ANKS1B: variants seen among roughly 807,000 people sequenced by gnomAD.
The protein encoded by ANKS1B is ankyrin repeat and sterile alpha motif domain-containing protein 1B.
ANKS1B carries 36 observed loss-of-function variants against 148.3 expected under a neutral mutation model. That is an observed-to-expected ratio of 0.24 (90% CI 0.19 to 0.32). The LOEUF (loss-of-function observed/expected upper bound fraction) is 0.32, where lower values mean the gene tolerates loss of function less well. Ranked by LOEUF, ANKS1B falls within the 10% of genes least tolerant of loss-of-function variation. The probability of loss-of-function intolerance (pLI) is 1.00; values close to 1 mark genes in which losing one functional copy is unlikely to be tolerated. For synonymous variants in ANKS1B, 542 were observed against 560.8 expected (o/e 0.97, Z 0.47); for missense variants, 1,157 against 1,542.6 (o/e 0.75, Z 4.19).
chr12:99,783,962 T>C (rs763488921), intron 4 of ANKS1B, among the ~76,000 whole-genome samples: 5 of 152,264 alleles, frequency 3.3e-5, no homozygotes, highest in Non-Finnish European at 7.4e-5. Flanking sequence ...ATATTTCATG[T>C]ATCAAAATAT....
intron 8 of ANKS1B, among the ~76,000 whole-genome samples, chr12:99,731,413 C>CGTGTGTGTGTGT (rs71088145): frequency 1.7e-3 from 243 of 143,822 alleles, no homozygotes; most frequent in East Asian, 7.6e-3. Flanking sequence ...ACCACCGTGC[C>CGTGTGTGTGTGT]GTGTGTGTGT....
intron 14 of ANKS1B, among the ~76,000 whole-genome samples, chr12:99,161,219 G>A (rs1025947934): frequency 9.9e-5 from 15 of 152,066 alleles, no homozygotes; most frequent in South Asian, 2.1e-4. Flanking sequence ...CAGAGTGTGC[G>A]GAAGTTTAAG....
At chr12:99,543,735 T>C (rs1393758174) in intron 9 of ANKS1B, among the ~76,000 whole-genome samples, 1 of 151,936 alleles carries the variant, frequency 6.6e-6, no homozygotes, top group Non-Finnish European at 1.5e-5. Flanking sequence ...TTATGCTAAG[T>C]GAGAAAAAAA....
intron 4 of ANKS1B, among the ~76,000 whole-genome samples, chr12:99,791,228 C>T (rs370515995): frequency 5.9e-5 from 9 of 151,870 alleles, no homozygotes; most frequent in African/African-American, 1.7e-4. Flanking sequence ...GAGGATATTA[C>T]AATTGTAAAT....
At chr12:99,763,615 C>G (rs950499697) in intron 8 of ANKS1B, among the ~76,000 whole-genome samples, 2 of 151,764 alleles carry the variant, frequency 1.3e-5, no homozygotes, top group African/African-American at 2.4e-5. Context: ...ACACAGTTTA[C>G]CCATGTAACA....
At position 99,363,676 on chromosome 12, in the gene ANKS1B, C is replaced by T. The variant is rs574735013; in HGVS notation, c.1756+35955G>A. Reference sequence around the variant, plus strand: ...AAGGGGACCTCTAAAATTATATAAGCTTCCGACCTCCAAAAACCTGACTAT... The same window carrying T: ...AAGGGGACCTCTAAAATTATATAAGTTTCCGACCTCCAAAAACCTGACTAT... On this transcript the variant is annotated intron_variant, in intron 12 of 26. Coordinates refer to ENST00000683438, the MANE Select transcript of ANKS1B (RefSeq NM_001352186.2). Among the ~76,000 whole-genome samples, 4 of 152,234 alleles carry T rather than the reference C, an allele frequency of 2.6e-5. No individual in the cohort carries two copies. The South Asian group carries it at 8.3e-4, about 32-fold the overall frequency.
chr12:99,033,722 T>A (rs964380265), intron 17 of ANKS1B, among the ~76,000 whole-genome samples: 10 of 152,052 alleles, frequency 6.6e-5, no homozygotes. Context: ...CTCAGGTGCG[T>A]GTGTGAACAC....
intron 9 of ANKS1B, among the ~76,000 whole-genome samples, chr12:99,523,328 T>A (rs760804587): frequency 6.6e-6 from 1 of 152,188 alleles, no homozygotes; most frequent in Non-Finnish European, 1.5e-5. Context: ...GAGGAACGTG[T>A]ATGACAAACA....
chr12:99,762,887 GA>G (rs1239957105), intron 8 of ANKS1B, among the ~76,000 whole-genome samples: 1 of 151,684 alleles, frequency 6.6e-6, no homozygotes, highest in African/African-American at 2.4e-5. Flanking sequence ...ATAAGTATGT[GA>G]AAAAAATCCT....
rs58588885 is a variant in ANKS1B, at chr12:99,560,840, C to CTTTT, written c.1273-56203_1273-56200dup. 6.3e-4 allele frequency among the ~76,000 whole-genome samples: 45 copies of CTTTT among 71,910 alleles called. 1 individual carries two copies. The highest frequency in any genetic ancestry group is 2.7e-3 in the East Asian group (6 of 2,254). The allele number at this position is 71,910 out of a possible 152,430, so 47.2% of individuals were successfully genotyped here. A position where few individuals can be genotyped will look rare whatever the true frequency, so the allele number is the denominator to read the frequency against. ...TGCAATGGCAATTTCTTTCTTTTTT[C>CTTTT]TTTTTTTTTTTTTTTTTTTTTTTTG... On this transcript the variant is annotated intron_variant, in intron 9 of 26. Coordinates refer to ENST00000683438, the MANE Select transcript of ANKS1B (RefSeq NM_001352186.2).
intron 16 of ANKS1B, among the ~76,000 whole-genome samples, chr12:99,076,963 A>G (rs1320490652): frequency 6.6e-6 from 1 of 152,194 alleles, no homozygotes; most frequent in Admixed American, 6.6e-5. Context: ...TAAAATATTT[A>G]TGATATGGCT....
chr12:99,630,303 G>C (rs1257994150), intron 9 of ANKS1B, among the ~76,000 whole-genome samples: 1 of 152,156 alleles, frequency 6.6e-6, no homozygotes, highest in Non-Finnish European at 1.5e-5. Flanking sequence ...CTGATGCATT[G>C]ACACTTAGCA....
At chr12:99,163,734 T>G (rs980387279) in intron 14 of ANKS1B, among the ~76,000 whole-genome samples, 8 of 152,196 alleles carry the variant, frequency 5.3e-5, no homozygotes, top group Non-Finnish European at 1.2e-4. Context: ...TGTAACATTT[T>G]GGAATTGGGA....
At chr12:99,898,175 T>C (rs1408430336) in intron 1 of ANKS1B, among the ~76,000 whole-genome samples, 2 of 152,326 alleles carry the variant, frequency 1.3e-5, no homozygotes, top group African/African-American at 4.8e-5. Flanking sequence ...CTAGTAAATA[T>C]GACTACCCCG....
At chr12:99,286,949 T>A (rs2154004901) in intron 12 of ANKS1B, among the ~76,000 whole-genome samples, 1 of 152,310 alleles carries the variant, frequency 6.6e-6, no homozygotes, top group Middle Eastern at 3.4e-3. Flanking sequence ...TGGCATTTCT[T>A]GTCCCACTCT....
intron 10 of ANKS1B, among the ~76,000 whole-genome samples, chr12:99,492,753 A>G (rs2096567144): frequency 6.6e-6 from 1 of 152,218 alleles, no homozygotes; most frequent in African/African-American, 2.4e-5. Flanking sequence ...ACATACACAA[A>G]TCAATAAATG....
intron 4 of ANKS1B, among the ~76,000 whole-genome samples, chr12:99,794,460 T>TACACACACACACACAC (rs148663206): frequency 0.04 from 5,787 of 143,518 alleles, 164 homozygotes; most frequent in East Asian, 0.073. Context: ...GAAAATGTGG[T>TACACACACACACACAC]ACACACACAC....
Position 99,046,564 on chromosome 12 carries a change from C to G in ANKS1B, c.2778+6593G>C, listed in dbSNP as rs540578355. ...CCTGTAATCCCAGCACTTTGGGAGGCCGAGGCAGGCGGATCACAAGGTCAG... is the reference window on the plus strand; with the variant it reads ...CCTGTAATCCCAGCACTTTGGGAGGGCGAGGCAGGCGGATCACAAGGTCAG... On this transcript the variant is annotated intron_variant, in intron 17 of 26. Transcript: ENST00000683438. 7.2e-5 allele frequency among the ~76,000 whole-genome samples: 11 copies of G among 152,030 alleles called. No individual in the cohort carries two copies. The East Asian group carries it at 2.1e-3, about 30-fold the overall frequency.
chr12:99,707,793 T>C (rs1030894363), intron 8 of ANKS1B, among the ~76,000 whole-genome samples: 33 of 151,948 alleles, frequency 2.2e-4, no homozygotes, highest in African/African-American at 7.3e-4. Context: ...TCTCATAGGC[T>C]TCGCTGTCTT....
Sources: gnomAD v4.1 joint callset for allele counts (sites outside exome capture counted in the v4.1 genomes callset) on GRCh38, gnomAD v4.1.1 for gene constraint, MANE v1.5 for transcripts, NCBI Gene and HGNC (gene_info 2026-07-23, HGNC 2026-07-21) for gene names.